Variants in MYO3B observed in about 807,000 individuals in gnomAD.
MYO3B encodes the protein myosin-IIIb.
A neutral mutation model predicts 174.6 loss-of-function variants in MYO3B; 156 were observed. The observed-to-expected ratio is 0.89, with a 90% CI of 0.78 to 1.02. The LOEUF is 1.02. Among genes scored for constraint, MYO3B ranks in the 50% least tolerant of loss-of-function variants. The probability of loss-of-function intolerance (pLI) is 0.00; values close to 1 mark genes in which losing one functional copy is unlikely to be tolerated. For missense variants in MYO3B, 1,632 were observed against 1,639.4 expected, an observed-to-expected ratio of 1.00 and a Z score of 0.08; for synonymous variants, 563 against 569.1, an observed-to-expected ratio of 0.99 and a Z score of 0.15.
chr2:170,199,221 G>A lies in MYO3B; in HGVS notation c.16G>A (p.Gly6Arg), dbSNP rs1314655901. MKHLY[G>R]LFHYNPMMLG... is the part of the protein sequence containing the mutation. ...TCCCCCAACCAGGAAACATCTGTAT[G>A]GATTATTTCACTATAATCCTATGAT... The change falls in exon 2 of 35, where the codon GGA becomes AGA. Residue 6 changes from glycine to arginine, a missense_variant. Coordinates refer to ENST00000408978, the MANE Select transcript of MYO3B (RefSeq NM_138995.5). 97 of 1,610,390 alleles carry A rather than the reference G, an allele frequency of 6.0e-5. No homozygotes were observed. The highest frequency in any genetic ancestry group is 8.2e-5 in the Non-Finnish European group (97 of 1,178,254).
At chr2:170,639,362 G>A (rs1697776175) in intron 32 of MYO3B, among the ~76,000 whole-genome samples, 2 of 152,164 alleles carry the variant, frequency 1.3e-5, no homozygotes, top group African/African-American at 4.8e-5. Context: ...TTTTCCCACT[G>A]GGTGCAGTTT....
At chr2:170,552,399 C>T (rs1424710611) in intron 32 of MYO3B, among the ~76,000 whole-genome samples, 1 of 152,188 alleles carries the variant, frequency 6.6e-6, no homozygotes, top group Non-Finnish European at 1.5e-5. Flanking sequence ...AAAGGTCACT[C>T]TTGCTATGCT....
At chr2:170,364,737 C>T (rs2094185869) in intron 8 of MYO3B, among the ~76,000 whole-genome samples, 1 of 152,158 alleles carries the variant, frequency 6.6e-6, no homozygotes, top group Non-Finnish European at 1.5e-5. Context: ...CATCTTCATC[C>T]ACTAAATCTC....
At chr2:170,472,886 C>T (rs1044894628) in intron 25 of MYO3B, among the ~76,000 whole-genome samples, 5 of 150,638 alleles carry the variant, frequency 3.3e-5, no homozygotes, top group South Asian at 2.1e-4. Context: ...TTTTTAGTAG[C>T]GATGAGGTCT....
intron 8 of MYO3B, among the ~76,000 whole-genome samples, chr2:170,337,408 G>A (rs182534689): frequency 9.9e-5 from 15 of 152,184 alleles, no homozygotes; most frequent in African/African-American, 2.4e-4. Flanking sequence ...TCACTAATAT[G>A]CCTTCCCATA....
intron 7 of MYO3B, among the ~76,000 whole-genome samples, chr2:170,324,099 C>T (rs775634834): frequency 6.6e-6 from 1 of 152,134 alleles, no homozygotes; most frequent in African/African-American, 2.4e-5. Context: ...ATCCTAGAGG[C>T]AGAGCGACAG....
At chr2:170,637,500 G>C (rs1473901805) in intron 32 of MYO3B, among the ~76,000 whole-genome samples, 1 of 152,060 alleles carries the variant, frequency 6.6e-6, no homozygotes, top group East Asian at 1.9e-4. Context: ...AAAAGGGGTG[G>C]GGGCAGGAAG....
chr2:170,297,382 C>T (rs2093635861), intron 7 of MYO3B, among the ~76,000 whole-genome samples: 1 of 152,014 alleles, frequency 6.6e-6, no homozygotes, highest in Admixed American at 6.6e-5. Context: ...AAGAGTTGAG[C>T]TAAATTATAG....
intron 12 of MYO3B, among the ~76,000 whole-genome samples, chr2:170,384,854 A>G (rs1445585190): frequency 1.3e-5 from 2 of 152,158 alleles, no homozygotes; most frequent in Admixed American, 6.5e-5. Context: ...GAGTTAGCAC[A>G]GACTCCACAG....
intron 7 of MYO3B, among the ~76,000 whole-genome samples, chr2:170,264,772 G>T (rs1012857105): frequency 1.3e-5 from 2 of 152,180 alleles, no homozygotes; most frequent in African/African-American, 2.4e-5. Context: ...TTGGAAAGAG[G>T]ATATTTGTTG....
At chr2:170,546,535 T>C (rs751565182) in intron 32 of MYO3B, among the ~76,000 whole-genome samples, 1 of 152,364 alleles carries the variant, frequency 6.6e-6, no homozygotes, top group Non-Finnish European at 1.5e-5. Flanking sequence ...TTTCATTTTG[T>C]TGCTATTGCT....
chr2:170,209,968 G>A (rs777433348), intron 3 of MYO3B, among the ~76,000 whole-genome samples: 11 of 152,144 alleles, frequency 7.2e-5, no homozygotes, highest in Non-Finnish European at 1.5e-4. Context: ...AAAGCTAGGT[G>A]TCAGGAAAGG....
At chr2:170,384,838 T>C (rs1430020140) in intron 12 of MYO3B, among the ~76,000 whole-genome samples, 1 of 152,148 alleles carries the variant, frequency 6.6e-6, no homozygotes, top group African/African-American at 2.4e-5. Flanking sequence ...ATTCTGACAC[T>C]ACCTGGAGTT....
chr2:170,203,115 G>A (rs1415165090), intron 3 of MYO3B, among the ~76,000 whole-genome samples: 1 of 152,174 alleles, frequency 6.6e-6, no homozygotes, highest in African/African-American at 2.4e-5. Context: ...ATCTGTGAAT[G>A]CATTTTAAGT....
chr2:170,615,749 C>T (rs1283144521), intron 32 of MYO3B, among the ~76,000 whole-genome samples: 1 of 152,174 alleles, frequency 6.6e-6, no homozygotes, highest in Non-Finnish European at 1.5e-5. Context: ...AATAGACACA[C>T]ACAAGATAGT....
chr2:170,207,898 A>G (rs896046943), intron 3 of MYO3B, among the ~76,000 whole-genome samples: 12 of 152,062 alleles, frequency 7.9e-5, no homozygotes, highest in Admixed American at 2.0e-4. Flanking sequence ...CCCAAGTTCC[A>G]GTGACTGTGA....
chr2:170,207,114 C>T (rs953355208), intron 3 of MYO3B, among the ~76,000 whole-genome samples: 3 of 152,108 alleles, frequency 2.0e-5, no homozygotes, highest in Non-Finnish European at 2.9e-5. Context: ...TCTTAGATTT[C>T]CAAATGGGAA....
At chr2:170,284,054 G>GTA (rs2093535390) in intron 7 of MYO3B, among the ~76,000 whole-genome samples, 1 of 152,132 alleles carries the variant, frequency 6.6e-6, no homozygotes, top group Non-Finnish European at 1.5e-5. Context: ...AGAACTCCAT[G>GTA]GAACAAATAC....
intron 7 of MYO3B, among the ~76,000 whole-genome samples, chr2:170,239,479 C>T (rs781391181): frequency 6.6e-6 from 1 of 152,180 alleles, no homozygotes; most frequent in Non-Finnish European, 1.5e-5. Context: ...ATCATCTGCC[C>T]ATTTATTTGG....
Sources: gnomAD v4.1 joint callset for allele counts (sites outside exome capture counted in the v4.1 genomes callset) on GRCh38, gnomAD v4.1.1 for gene constraint, MANE v1.5 for transcripts, NCBI Gene and HGNC (gene_info 2026-07-23, HGNC 2026-07-21) for gene names.